CMC1: variants seen among roughly 807,000 people sequenced by gnomAD.
CMC1 encodes the protein COX assembly mitochondrial protein homolog.
A neutral mutation model predicts 14.1 loss-of-function variants in CMC1; 14 were observed. That is an observed-to-expected ratio of 0.99 (90% confidence interval 0.66 to 1.55). CMC1 has a LOEUF of 1.55. Ranked by LOEUF, CMC1 falls within the 40% of genes most tolerant of loss-of-function variation. The pLI is 0.00. For missense variants in CMC1, 127 were observed against 123.8 expected (o/e 1.03, Z -0.12); for synonymous variants, 50 against 38.4 (o/e 1.30, Z -1.12).
intron 2 of CMC1, among the ~76,000 whole-genome samples, chr3:28,274,212 G>GTTTTTTTTGTTTTT (rs376321066): frequency 3.4e-5 from 3 of 88,200 alleles, no homozygotes; most frequent in African/African-American, 1.5e-4. Context: ...AAGTGTTTTT[G>GTTTTTTTTGTTTTT]TTTTTTTCTT....
chr3:28,263,381 G>GT lies in CMC1; in HGVS notation c.109+2dup. 6.4e-7 allele frequency: 1 copy of GT among 1,563,518 alleles called. No homozygotes were observed. The highest frequency in any genetic ancestry group is 8.7e-7 in the Non-Finnish European group (1 of 1,146,060). On this transcript the variant is annotated splice_donor_variant, in intron 2 of 3. Coordinates refer to ENST00000466830, the MANE Select transcript of CMC1 (RefSeq NM_182523.2). LOFTEE classifies it high-confidence loss of function. ...GAGAGGTGTTCTGAACAAGTTCAAG[G>GT]TAACATTCAAATATTCATGTAAAGA...
chr3:28,242,642 T>C (rs1698590731), intron 1 of CMC1, among the ~76,000 whole-genome samples: 1 of 152,208 alleles, frequency 6.6e-6, no homozygotes, highest in African/African-American at 2.4e-5. Context: ...TGCTAAGTGT[T>C]CTCTATTATC....
At chr3:28,316,468 T>C (rs1270808626) in intron 3 of CMC1, 45 bp downstream of exon 3, 1 of 1,069,522 alleles carries the variant, frequency 9.3e-7, no homozygotes, top group Non-Finnish European at 1.4e-6. Flanking sequence ...GTATTTGTGG[T>C]AGATAAGAGT....
At chr3:28,242,597 C>G (rs1599826) in intron 1 of CMC1, among the ~76,000 whole-genome samples, 1 of 152,024 alleles carries the variant, frequency 6.6e-6, no homozygotes, top group South Asian at 2.1e-4. Flanking sequence ...ATATGTAGCA[C>G]AGAAATAATG....
Position 28,253,753 on chromosome 3 carries a change from T to TTTGGTGCAACAAACACTCCTAACA in CMC1, c.20-9538_20-9537insTTGGTGCAACAAACACTCCTAACA, listed in dbSNP as rs1474848478. 3 of 1,285,760 alleles carry TTTGGTGCAACAAACACTCCTAACA rather than the reference T, an allele frequency of 2.3e-6. No homozygotes were observed. The African/African-American group carries it at 4.6e-5, about 20-fold the overall frequency. The allele number at this position is 1,285,760 out of a possible 1,614,324, so 79.6% of individuals were successfully genotyped here. ...CAGAGTAAACAGTAGCACCAAACTG[T>TTTGGTGCAACAAACACTCCTAACA]CTTCAGGAGCAAGTAAGTGTTAACT... On this transcript the variant is annotated intron_variant, in intron 1 of 3. Coordinates refer to ENST00000466830, the MANE Select transcript of CMC1 (RefSeq NM_182523.2).
chr3:28,313,940 A>G (rs1267266190), intron 2 of CMC1, among the ~76,000 whole-genome samples: 1 of 152,210 alleles, frequency 6.6e-6, no homozygotes, highest in African/African-American at 2.4e-5. Flanking sequence ...TCATGAGACA[A>G]AATTCATGAT....
chr3:28,255,281 C>A (rs929323051), intron 1 of CMC1, among the ~76,000 whole-genome samples: 39 of 148,314 alleles, frequency 2.6e-4, no homozygotes, highest in Non-Finnish European at 3.3e-4. Context: ...CGCTCTGTCT[C>A]CTAGGCTGGA....
At chr3:28,287,345 T>C (rs1701238774) in intron 2 of CMC1, among the ~76,000 whole-genome samples, 1 of 152,186 alleles carries the variant, frequency 6.6e-6, no homozygotes, top group Admixed American at 6.5e-5. Context: ...TCTAGTTTAA[T>C]TGATACCCAA....
intron 2 of CMC1, among the ~76,000 whole-genome samples, chr3:28,304,693 T>C (rs1702221755): frequency 6.6e-6 from 1 of 152,200 alleles, no homozygotes; most frequent in Admixed American, 6.5e-5. Flanking sequence ...TAAAGTTGTA[T>C]TCAAATAATT....
chr3:28,270,745 CTT>C (rs1700236718), intron 2 of CMC1, among the ~76,000 whole-genome samples: 1 of 151,856 alleles, frequency 6.6e-6, no homozygotes, highest in Non-Finnish European at 1.5e-5. Flanking sequence ...TGTAGAAACT[CTT>C]TAGTTTAACT....
At chr3:28,314,196 G>A (rs989685885) in intron 2 of CMC1, among the ~76,000 whole-genome samples, 1 of 152,156 alleles carries the variant, frequency 6.6e-6, no homozygotes, top group African/African-American at 2.4e-5. Flanking sequence ...TTATGTAAAG[G>A]TAGATCTTAA....
chr3:28,255,332 C>T (rs567368122), intron 1 of CMC1, among the ~76,000 whole-genome samples: 35 of 151,734 alleles, frequency 2.3e-4, no homozygotes, highest in East Asian at 9.7e-4. Context: ...CCTCCGCCTC[C>T]CGGGTTCAAG....
chr3:28,305,263 G>A (rs149204958), intron 2 of CMC1, among the ~76,000 whole-genome samples: 2,990 of 152,110 alleles, frequency 0.02, 64 homozygotes, highest in Non-Finnish European at 0.025. Flanking sequence ...ATGTGTTTTC[G>A]TTTTTATGGC....
At chr3:28,277,815 G>A (rs1700657994) in intron 2 of CMC1, among the ~76,000 whole-genome samples, 1 of 152,214 alleles carries the variant, frequency 6.6e-6, no homozygotes, top group South Asian at 2.1e-4. Flanking sequence ...AGCTTGGAAT[G>A]AATGAGGGGT....
At chr3:28,266,177 T>C (rs1477731425) in intron 2 of CMC1, among the ~76,000 whole-genome samples, 2 of 152,248 alleles carry the variant, frequency 1.3e-5, no homozygotes, top group Non-Finnish European at 2.9e-5. Context: ...TGAATTAGTC[T>C]GAGTTGCATA....
In CMC1 at chr3:28,241,698, G is replaced by A; in HGVS notation, c.-96G>A. 4.0e-6 allele frequency: 5 copies of A among 1,237,520 alleles called. No individual in the cohort carries two copies. The highest frequency in any genetic ancestry group is 4.1e-5 in the South Asian group (1 of 24,182). The allele number at this position is 1,237,520 out of a possible 1,614,324, so 76.7% of individuals were successfully genotyped here. A position where few individuals can be genotyped will look rare whatever the true frequency, so the allele number is the denominator to read the frequency against. On this transcript the variant is annotated 5_prime_UTR_variant, in exon 1 of 4. Transcript: ENST00000466830. ...TTTCTGTTGCGGGAAGCTCCCGGGG[G>A]TCGCACGTGCGTCCGAGCCCAAGCC...
intron 2 of CMC1, among the ~76,000 whole-genome samples, chr3:28,293,548 C>G (rs111841295): frequency 6.6e-6 from 1 of 152,056 alleles, no homozygotes; most frequent in Admixed American, 6.6e-5. Flanking sequence ...GGCTTATGTT[C>G]TAGATTTTAA....
At chr3:28,299,127 C>G (rs1701893523) in intron 2 of CMC1, among the ~76,000 whole-genome samples, 1 of 151,964 alleles carries the variant, frequency 6.6e-6, no homozygotes, top group Non-Finnish European at 1.5e-5. Context: ...TACTTTACTC[C>G]ATCTCTGTGT....
rs191164773 is a variant in CMC1 at position 28,264,634 on chromosome 3, A to T, written c.109+1254A>T. Among the ~76,000 whole-genome samples the T allele has an allele frequency of 1.7e-3, 265 of 152,280 alleles. 1 individual carries two copies. The highest frequency in any genetic ancestry group is 6.2e-3 in the African/African-American group (259 of 41,550). The stretch of plus-strand genomic sequence containing the variant: ...CACCTGCAGGTAGTGCATGTATGGC[A>T]TTGGTAGGTGTCATGTTTATGGTCA... On this transcript the variant is annotated intron_variant, in intron 2 of 3. Transcript: ENST00000466830.
Sources: gnomAD v4.1 joint callset for allele counts (sites outside exome capture counted in the v4.1 genomes callset) on GRCh38, gnomAD v4.1.1 for gene constraint, MANE v1.5 for transcripts, NCBI Gene and HGNC (gene_info 2026-07-23, HGNC 2026-07-21) for gene names.